ARHGEF10L: variants seen among roughly 807,000 people sequenced by gnomAD.
ARHGEF10L encodes the protein rho guanine nucleotide exchange factor 10-like protein.
A neutral mutation model predicts 141.2 loss-of-function variants in ARHGEF10L; 69 were observed. The ratio of observed to expected loss-of-function variants is 0.49; its 90% CI spans 0.40 to 0.60. The LOEUF is 0.60. Ranked by LOEUF, ARHGEF10L falls within the 20% of genes least tolerant of loss-of-function variation. ARHGEF10L has a pLI of 0.00. For synonymous variants in ARHGEF10L, 711 were observed against 718.5 expected (o/e 0.99, Z 0.17); for missense variants, 1,482 against 1,734.3 (o/e 0.85, Z 2.58).
chr1:17,644,430 G>A lies in ARHGEF10L; in HGVS notation c.2273-4124G>A, dbSNP rs1422900617. Among the ~76,000 whole-genome samples, 1 of 152,244 alleles carries A rather than the reference G, an allele frequency of 6.6e-6. No homozygotes were observed. Among genetic ancestry groups the A allele is most frequent in the African/African-American group, 2.4e-5 (1 of 41,474 alleles). On this transcript the variant is annotated intron_variant, in intron 21 of 28. Transcript: ENST00000361221. This position sits in a 1 kb window ranked among gnomAD's most constrained non-coding sequence, Gnocchi z 4.5. ...GAAGGGATGGGTCTCCTCTCCAGGA[G>A]TAGGGCCGAGGGCGTGGCCTTGGAG...
At position 17,637,943 on chromosome 1, in the gene ARHGEF10L, G is replaced by T; in HGVS notation, c.1983G>T (p.Lys661Asn). The T allele has an allele frequency of 6.2e-7, 1 of 1,602,552 alleles. No homozygotes were observed. The highest frequency in any genetic ancestry group is 8.5e-7 in the Non-Finnish European group (1 of 1,174,730). Reference sequence around the variant, plus strand: ...TCCAGGAGCTGCAGGACCTGCAGAAGGACCTGGCCGTGGTGGAGCAGATCA... The same window carrying T: ...TCCAGGAGCTGCAGGACCTGCAGAATGACCTGGCCGTGGTGGAGCAGATCA... ...RLFQELQDLQ[K>N]DLAVVEQITL... Residue 661 changes from lysine to asparagine, a missense_variant, in exon 19 of 29, where the codon AAG becomes AAT. Around this residue, in one of 3 missense-constraint regions of ARHGEF10L, gnomAD observed 858 missense variants for 966.3 expected, o/e 0.89. Coordinates refer to ENST00000361221, the MANE Select transcript of ARHGEF10L (RefSeq NM_018125.4).
At chr1:17,518,048 G>T in the ARHGEF10L span, among the ~76,000 whole-genome samples, 2 of 152,156 alleles carry the variant, frequency 1.3e-5, no homozygotes, top group Non-Finnish European at 2.9e-5. Flanking sequence ...TTGGCTTTAT[G>T]GGTCCTTCAG....
chr1:17,664,950 G>A (rs1469920621), intron 26 of ARHGEF10L, among the ~76,000 whole-genome samples: 2 of 152,200 alleles, frequency 1.3e-5, no homozygotes, highest in Admixed American at 1.3e-4. Context: ...TGTGGCCAGG[G>A]TGGATGCAGC....
chr1:17,626,010 C>A lies in ARHGEF10L; in HGVS notation c.1372C>A (p.Pro458Thr). ...RVTLYGLMVK[P>T]IQRFPQFILL... ...CACCCTCTACGGGCTGATGGTCAAG[C>A]CCATCCAGAGGTTCCCACAGTTCAT... is the stretch of plus-strand genomic sequence containing the variant. The change falls in exon 14 of 29, where the codon CCC (proline) becomes ACC (threonine). Residue 458 changes from proline (P) to threonine (T), a missense_variant. Pro to Thr is a conservative substitution (Grantham distance 38, BLOSUM62 -1). Transcript: ENST00000361221. 1 of 1,613,976 alleles carries A rather than the reference C, an allele frequency of 6.2e-7. No individual in the cohort carries two copies. The highest frequency in any genetic ancestry group is 8.5e-7 in the Non-Finnish European group (1 of 1,179,900).
intron 22 of ARHGEF10L, among the ~76,000 whole-genome samples, chr1:17,651,235 G>A (rs2061914422): frequency 6.6e-6 from 1 of 152,186 alleles, no homozygotes; most frequent in South Asian, 2.1e-4. Flanking sequence ...CCTAGTCCTG[G>A]CCCTGGTGGA....
chr1:17,535,087 A>G (rs2076555868), upstream of ARHGEF10L, among the ~76,000 whole-genome samples: 1 of 152,132 alleles, frequency 6.6e-6, no homozygotes. Flanking sequence ...ACAACTCACC[A>G]TAATGTAGAA....
chr1:17,632,285 C>A (rs369469960), intron 15 of ARHGEF10L, 36 bp from the exon 16 acceptor site: 340 of 1,609,852 alleles, frequency 2.1e-4, no homozygotes, highest in Non-Finnish European at 2.6e-4. Flanking sequence ...CGCCGGGCCG[C>A]GATGCTGATG....
chr1:17,580,464 A>T lies in ARHGEF10L; in HGVS notation c.-43-89A>T, dbSNP rs1321072557. The T allele has an allele frequency of 2.5e-6, 3 of 1,183,020 alleles. No individual in the cohort carries two copies. The African/African-American group carries it at 4.5e-5, about 18-fold the overall frequency. The allele number at this position is 1,183,020 out of a possible 1,614,324, so 73.3% of individuals were successfully genotyped here. On this transcript the variant is annotated intron_variant, in intron 1 of 28. Transcript: ENST00000361221. The stretch of plus-strand genomic sequence containing the variant: ...TGTGCTCTGAGAGCCACTGGGCTGA[A>T]GCACAGGTTGTGAGCCAGTGACTTG...
chr1:17,597,294 C>A (rs1480855742), intron 4 of ARHGEF10L, among the ~76,000 whole-genome samples: 3 of 152,078 alleles, frequency 2.0e-5, no homozygotes, highest in African/African-American at 7.2e-5. Flanking sequence ...TCTTTTATGA[C>A]CCGGAGGCCC....
In ARHGEF10L at chr1:17,641,885, G is replaced by A. The variant is rs1027703911; in HGVS notation, c.2272+1583G>A. ...AGTCCCAGCTACTCGAGAGGTTGAGGCAGGAGAATCACTTGAACCTAGGAG... is the reference window on the plus strand; with the variant it reads ...AGTCCCAGCTACTCGAGAGGTTGAGACAGGAGAATCACTTGAACCTAGGAG... On this transcript the variant is annotated intron_variant, in intron 21 of 28. Transcript: ENST00000361221. Among the ~76,000 whole-genome samples the A allele has an allele frequency of 3.3e-5, 5 of 151,680 alleles. No homozygotes were observed. In the East Asian group the frequency reaches 7.8e-4, roughly 24 times the overall value.
intron 4 of ARHGEF10L, among the ~76,000 whole-genome samples, chr1:17,601,705 C>G (rs2080699300): frequency 6.6e-6 from 1 of 152,168 alleles, no homozygotes; most frequent in Non-Finnish European, 1.5e-5. Flanking sequence ...CTTGGCCTCC[C>G]AAAGTGCTGT....
intron 9 of ARHGEF10L, among the ~76,000 whole-genome samples, chr1:17,618,998 G>A (rs1008595107): frequency 2.0e-5 from 3 of 152,158 alleles, no homozygotes; most frequent in South Asian, 2.1e-4. Flanking sequence ...GCTAGCCTTC[G>A]CCAGGCCAGA....
At position 17,621,295 on chromosome 1, in the gene ARHGEF10L, C is replaced by T. The variant is rs140805413; in HGVS notation, c.943-569C>T. Reference sequence around the variant, plus strand: ...TTGCCCAGGCTGGAGTGCAGTGGCGCGATCTTGGCCCACTGCAACCTCTGC... The same window carrying T: ...TTGCCCAGGCTGGAGTGCAGTGGCGTGATCTTGGCCCACTGCAACCTCTGC... On this transcript the variant is annotated intron_variant, in intron 10 of 28. Coordinates refer to ENST00000361221, the MANE Select transcript of ARHGEF10L (RefSeq NM_018125.4). This position sits in a 1 kb window ranked among gnomAD's most constrained non-coding sequence, Gnocchi z 4.1. Among the ~76,000 whole-genome samples the T allele has an allele frequency of 3.6e-4, 55 of 152,178 alleles. No individual in the cohort carries two copies. In the East Asian group the frequency reaches 6.0e-3, roughly 17 times the overall value.
intron 4 of ARHGEF10L, among the ~76,000 whole-genome samples, chr1:17,592,477 G>A (rs1355362554): frequency 1.3e-5 from 2 of 152,114 alleles, no homozygotes; most frequent in Admixed American, 6.5e-5. Flanking sequence ...TGGGGCAGCC[G>A]TATTCTGGGA....
At position 17,635,043 on chromosome 1, in the gene ARHGEF10L, G is replaced by A. The variant is rs768224283; in HGVS notation, c.1927+27G>A. 7.4e-6 allele frequency: 12 copies of A among 1,612,544 alleles called. No individual in the cohort carries two copies. In the Admixed American group the frequency reaches 8.4e-5, roughly 11 times the overall value. On this transcript the variant is annotated intron_variant, in intron 18 of 28. Coordinates refer to ENST00000361221, the MANE Select transcript of ARHGEF10L (RefSeq NM_018125.4). ...TGAGTACCCCCTCTCTGTGCCCTGC[G>A]TTCGTCACCCTCGCCCTCACCAGCC...
intron 1 of ARHGEF10L, among the ~76,000 whole-genome samples, chr1:17,542,530 C>T (rs2076767125): frequency 6.6e-6 from 1 of 152,178 alleles, no homozygotes; most frequent in Middle Eastern, 3.4e-3. Flanking sequence ...ATGCTGAGTG[C>T]CAGGTGTTGG....
In ARHGEF10L at chr1:17,639,087, C is replaced by A. The variant is rs562704574; in HGVS notation, c.2171+398C>A. On this transcript the variant is annotated intron_variant, in intron 20 of 28. Coordinates refer to ENST00000361221, the MANE Select transcript of ARHGEF10L (RefSeq NM_018125.4). This position sits in a 1 kb window ranked among gnomAD's most constrained non-coding sequence, Gnocchi z 4.3. ...CCAGCACCACCTTAGCCCCAGAATG[C>A]CCACCACAGGAGCTGTGCACAGTAG... is the stretch of plus-strand genomic sequence containing the variant. 6.6e-6 allele frequency among the ~76,000 whole-genome samples: 1 copy of A among 152,270 alleles called. No individual in the cohort carries two copies. The highest frequency in any genetic ancestry group is 6.5e-5 in the Admixed American group (1 of 15,308).
At position 17,607,360 on chromosome 1, in the gene ARHGEF10L, G is replaced by A. The variant is rs1322965014; in HGVS notation, c.434-442G>A. Among the ~76,000 whole-genome samples the A allele has an allele frequency of 2.0e-5, 3 of 152,128 alleles. No homozygotes were observed. The highest frequency in any genetic ancestry group is 7.2e-5 in the African/African-American group (3 of 41,410). ...TGTGATGGTGCACACCTGTAGTCCC[G>A]GCTACCTGGGAAGCTGAGATAGGAG... is the stretch of plus-strand genomic sequence containing the variant. On this transcript the variant is annotated intron_variant, in intron 6 of 28. Transcript: ENST00000361221. The surrounding 1 kb of genome is among the most constrained non-coding windows in gnomAD (Gnocchi z 4.5).
chr1:17,650,665 G>A (rs1009848742), intron 22 of ARHGEF10L, among the ~76,000 whole-genome samples: 4 of 151,408 alleles, frequency 2.6e-5, no homozygotes, highest in Admixed American at 6.6e-5. Context: ...CCCGGGAAGC[G>A]GAGGTTGCAG....
Sources: allele counts gnomAD v4.1 joint callset (sites outside exome capture counted in the v4.1 genomes callset), GRCh38; gene constraint gnomAD v4.1.1; regional missense constraint gnomAD v4.1.1; non-coding constraint Gnocchi (gnomAD v3.1); transcripts MANE v1.5; gene names NCBI Gene and HGNC (gene_info 2026-07-23, HGNC 2026-07-21).